The following CFAP61 variants were observed in gnomAD, a reference collection of about 807,000 sequenced individuals.
The protein encoded by CFAP61 is cilia and flagella associated protein 61, also known as cilia- and flagella-associated protein 61.
Under a neutral mutation model 135.6 loss-of-function variants are expected in CFAP61, and 107 were observed. The ratio of observed to expected loss-of-function variants is 0.79; its 90% confidence interval spans 0.67 to 0.93. The LOEUF (loss-of-function observed/expected upper bound fraction) is 0.93, where lower values mean the gene tolerates loss of function less well. CFAP61 is among the 40% of genes least tolerant of loss of function. The pLI, the probability that CFAP61 is intolerant of heterozygous loss-of-function variation, is 0.00. For synonymous variants in CFAP61, 575 were observed against 578.5 expected, an observed-to-expected ratio of 0.99 and a Z score of 0.09; for missense variants, 1,507 against 1,556.2, an observed-to-expected ratio of 0.97 and a Z score of 0.53.
chr20:20,188,101 G>T (rs1297663712), intron 14 of CFAP61, 45 bp downstream of exon 14: 10 of 1,606,368 alleles, frequency 6.2e-6, no homozygotes, highest in Non-Finnish European at 8.5e-6. Flanking sequence ...GGACCATTAT[G>T]ATGACCCATG....
chr20:20,213,899 ATCTCTC>A (rs72052231), intron 17 of CFAP61, among the ~76,000 whole-genome samples: 1 of 147,522 alleles, frequency 6.8e-6, no homozygotes, highest in African/African-American at 2.5e-5. Context: ...ATGGTGTGCA[ATCTCTC>A]TCTCTCTCTC....
chr20:20,190,700 TTC>T (rs1454204832), intron 14 of CFAP61, among the ~76,000 whole-genome samples: 3 of 152,128 alleles, frequency 2.0e-5, no homozygotes, highest in African/African-American at 4.8e-5. Context: ...TACAAGAAAT[TTC>T]TGTTTTATTT....
intron 18 of CFAP61, among the ~76,000 whole-genome samples, chr20:20,241,479 T>A (rs1428814402): frequency 6.6e-6 from 1 of 152,232 alleles, no homozygotes; most frequent in Non-Finnish European, 1.5e-5. Context: ...TTAGGTTTTT[T>A]AAAAAACTAC....
intron 25 of CFAP61, among the ~76,000 whole-genome samples, chr20:20,302,106 G>A (rs1480755755): frequency 6.6e-6 from 1 of 152,072 alleles, no homozygotes; most frequent in Admixed American, 6.5e-5. Flanking sequence ...CACAACTTTT[G>A]TTTGATATGA....
chr20:20,119,234 C>A (rs2049423073), intron 8 of CFAP61, among the ~76,000 whole-genome samples: 1 of 152,086 alleles, frequency 6.6e-6, no homozygotes, highest in African/African-American at 2.4e-5. Context: ...CATAGTGAAA[C>A]CATCAGGTCC....
chr20:20,176,595 C>CT (rs879580757), intron 13 of CFAP61, among the ~76,000 whole-genome samples: 4 of 152,158 alleles, frequency 2.6e-5, no homozygotes, highest in Admixed American at 6.5e-5. Context: ...CCTCAGCAAA[C>CT]TAACACAGGA....
At chr20:20,215,089 T>C (rs2047949038) in intron 17 of CFAP61, 1 of 152,222 alleles carries the variant, frequency 6.6e-6, no homozygotes, top group Non-Finnish European at 1.5e-5. Flanking sequence ...TCCTCTTGCT[T>C]GGTGATCATT....
At chr20:20,076,028 C>G (rs1182512167) in intron 6 of CFAP61, among the ~76,000 whole-genome samples, 1 of 152,168 alleles carries the variant, frequency 6.6e-6, no homozygotes, top group Non-Finnish European at 1.5e-5. Context: ...AATTGAAGGT[C>G]TCTACCATCA....
At chr20:20,134,900 TTAAAG>T (rs1319884631) in intron 8 of CFAP61, among the ~76,000 whole-genome samples, 1 of 152,092 alleles carries the variant, frequency 6.6e-6, no homozygotes, top group Non-Finnish European at 1.5e-5. Flanking sequence ...CAGGTGCCTA[TTAAAG>T]TAGACAGAAA....
intron 26 of CFAP61, among the ~76,000 whole-genome samples, chr20:20,352,368 G>A (rs189399918): frequency 2.6e-4 from 40 of 152,170 alleles, no homozygotes; most frequent in African/African-American, 7.7e-4. Flanking sequence ...AGCATAGTTC[G>A]CCCCCATGAT....
chr20:20,087,348 C>A (rs1419395729), intron 6 of CFAP61, among the ~76,000 whole-genome samples: 1 of 152,060 alleles, frequency 6.6e-6, no homozygotes, highest in Admixed American at 6.6e-5. Flanking sequence ...CCCTGAGTGC[C>A]CATTGTTTAG....
intron 20 of CFAP61, among the ~76,000 whole-genome samples, 188 bp from the exon 21 acceptor site, chr20:20,262,768 G>A (rs1021168775): frequency 2.7e-5 from 4 of 149,118 alleles, no homozygotes; most frequent in African/African-American, 9.9e-5. Flanking sequence ...CTCCCTCTGA[G>A]AATTGTTTCT....
intron 17 of CFAP61, among the ~76,000 whole-genome samples, chr20:20,226,497 A>G (rs1389789712): frequency 6.6e-6 from 1 of 152,192 alleles, no homozygotes; most frequent in South Asian, 2.1e-4. Context: ...TCACAGCCCT[A>G]TTGTGGCAAT....
intron 6 of CFAP61, among the ~76,000 whole-genome samples, chr20:20,085,931 A>G (rs1348113761): frequency 1.3e-5 from 2 of 152,182 alleles, no homozygotes; most frequent in Admixed American, 6.5e-5. Context: ...CCCTTTTGGC[A>G]GGTTAAGTGG....
At chr20:20,268,355 C>T (rs1367087527) in intron 21 of CFAP61, among the ~76,000 whole-genome samples, 1 of 152,134 alleles carries the variant, frequency 6.6e-6, no homozygotes, top group Admixed American at 6.5e-5. Context: ...ATGGATTGTT[C>T]TAGAACAGTG....
chr20:20,126,318 T>G (rs1255129690), intron 8 of CFAP61, among the ~76,000 whole-genome samples: 1 of 151,946 alleles, frequency 6.6e-6, no homozygotes, highest in Non-Finnish European at 1.5e-5. Flanking sequence ...TCCTGTGTGA[T>G]TTATACTTTA....
At chr20:20,299,211 A>G (rs1051197251) in intron 25 of CFAP61, among the ~76,000 whole-genome samples, 2 of 152,222 alleles carry the variant, frequency 1.3e-5, no homozygotes, top group Non-Finnish European at 2.9e-5. Flanking sequence ...ATATGTATGG[A>G]CACTTAAAAG....
intron 13 of CFAP61, among the ~76,000 whole-genome samples, chr20:20,178,419 C>T (rs955078971): frequency 1.3e-5 from 2 of 152,102 alleles, no homozygotes; most frequent in Middle Eastern, 3.2e-3. Flanking sequence ...CTTTTCTGTC[C>T]TCTTGTTTAT....
At chr20:20,343,060 T>A (rs2122384453) in intron 26 of CFAP61, among the ~76,000 whole-genome samples, 1 of 152,258 alleles carries the variant, frequency 6.6e-6, no homozygotes, top group Non-Finnish European at 1.5e-5. Flanking sequence ...GGGCACCATA[T>A]TGGCCAGGCT....
Sources: gnomAD v4.1 joint callset for allele counts (sites outside exome capture counted in the v4.1 genomes callset) on GRCh38, gnomAD v4.1.1 for gene constraint, MANE v1.5 for transcripts, NCBI Gene and HGNC (gene_info 2026-07-23, HGNC 2026-07-21) for gene names.